Variants in ATG10 observed in about 807,000 individuals in gnomAD.
The protein encoded by ATG10 is ubiquitin-like-conjugating enzyme ATG10.
A neutral mutation model predicts 32.1 loss-of-function variants in ATG10; 30 were observed. The ratio of observed to expected loss-of-function variants is 0.94; its 90% CI spans 0.70 to 1.27. The LOEUF is 1.27. Ranked by LOEUF, ATG10 falls within the 50% of genes most tolerant of loss-of-function variation. The pLI is 0.00. For missense variants in ATG10, 233 were observed against 262.3 expected (o/e 0.89, Z 0.77); for synonymous variants, 87 against 91.5 (o/e 0.95, Z 0.28).
intron 3 of ATG10, among the ~76,000 whole-genome samples, chr5:82,151,101 G>A (rs1170178181): frequency 6.6e-6 from 1 of 152,120 alleles, no homozygotes; most frequent in Admixed American, 6.5e-5. Context: ...TGCCCCCAGA[G>A]GGCTTGCAAA....
chr5:82,166,665 C>G (rs1487199560), intron 4 of ATG10, among the ~76,000 whole-genome samples: 1 of 151,868 alleles, frequency 6.6e-6, no homozygotes, highest in African/African-American at 2.4e-5. Context: ...TCTGATTACT[C>G]TGGCCCTTCA....
At chr5:82,037,129 CAAAAAAA>C (rs1159037400) in intron 2 of ATG10, among the ~76,000 whole-genome samples, 1 of 25,800 alleles carries the variant, frequency 3.9e-5, no homozygotes, top group Non-Finnish European at 7.3e-5. Flanking sequence ...GACTCTGTCT[CAAAAAAA>C]AAAAAAAAAA....
At position 82,190,429 on chromosome 5, in the gene ATG10, A is replaced by T. The variant is rs1744610020; in HGVS notation, c.453+11842A>T. Among the ~76,000 whole-genome samples the T allele has an allele frequency of 1.1e-4, 16 of 152,072 alleles. No homozygotes were observed. In the South Asian group the frequency reaches 3.3e-3, roughly 32 times the overall value. ...TTATTTTGAAATTTACATCACAGAC[A>T]TTTTTGCATCCCAATATTTAAATAC... On this transcript the variant is annotated intron_variant, in intron 5 of 7. Coordinates refer to ENST00000282185, the MANE Select transcript of ATG10 (RefSeq NM_031482.5).
At chr5:81,996,352 C>G (rs1451493384) in intron 2 of ATG10, among the ~76,000 whole-genome samples, 1 of 152,166 alleles carries the variant, frequency 6.6e-6, no homozygotes, top group Non-Finnish European at 1.5e-5. Flanking sequence ...ATCTTCCTGT[C>G]TCAGCCTCCC....
Position 82,206,423 on chromosome 5 carries a change from G to A in ATG10, c.453+27836G>A, listed in dbSNP as rs148651848. On this transcript the variant is annotated intron_variant, in intron 5 of 7. Transcript: ENST00000282185. ...AGCAATTTGGGAGGCTGAGGCGGGCGGATCACAAGGTCAGGAGATCAAGAC... is the reference window on the plus strand; with the variant it reads ...AGCAATTTGGGAGGCTGAGGCGGGCAGATCACAAGGTCAGGAGATCAAGAC... Among the ~76,000 whole-genome samples, 917 of 152,084 alleles carry A rather than the reference G, an allele frequency of 6.0e-3. 7 individuals are homozygous for A. Among genetic ancestry groups the A allele is most frequent in the African/African-American group, 0.014 (591 of 41,498 alleles).
At chr5:82,122,212 G>T (rs1273832146) in intron 3 of ATG10, among the ~76,000 whole-genome samples, 1 of 151,908 alleles carries the variant, frequency 6.6e-6, no homozygotes, top group Non-Finnish European at 1.5e-5. Flanking sequence ...CTGCGTCAGT[G>T]TTGGGAGGGT....
chr5:82,237,973 T>G (rs917400034), intron 5 of ATG10, among the ~76,000 whole-genome samples: 28 of 152,328 alleles, frequency 1.8e-4, no homozygotes, highest in Admixed American at 9.8e-4. Flanking sequence ...ACAGCAAGCA[T>G]TAGATCTGCC....
At chr5:82,179,822 C>A (rs1480996160) in intron 5 of ATG10, among the ~76,000 whole-genome samples, 1 of 152,106 alleles carries the variant, frequency 6.6e-6, no homozygotes. Context: ...ACCTCCCAAT[C>A]AACATAAGAA....
chr5:82,204,791 C>T (rs1437038009), intron 5 of ATG10, among the ~76,000 whole-genome samples: 5 of 152,180 alleles, frequency 3.3e-5, no homozygotes, highest in South Asian at 2.1e-4. Context: ...GGATGAATTC[C>T]GTTTTCAAGA....
intron 1 of ATG10, among the ~76,000 whole-genome samples, chr5:81,974,778 G>C (rs1237043032): frequency 1.3e-5 from 2 of 152,110 alleles, no homozygotes; most frequent in East Asian, 3.9e-4. Flanking sequence ...ATGTCTCCAA[G>C]CTTCCTTTGA....
At chr5:82,125,199 T>C (rs1344959391) in intron 3 of ATG10, among the ~76,000 whole-genome samples, 1 of 152,216 alleles carries the variant, frequency 6.6e-6, no homozygotes, top group Admixed American at 6.5e-5. Context: ...CTTTGTCAGA[T>C]GGATAGATTG....
rs181128569 is a variant in ATG10 at position 82,000,616 on chromosome 5, A to G, written c.108+12938A>G. 5.1e-3 allele frequency among the ~76,000 whole-genome samples: 778 copies of G among 152,272 alleles called. 3 individuals are homozygous for G. The highest frequency in any genetic ancestry group is 0.016 in the South Asian group (75 of 4,824). On this transcript the variant is annotated intron_variant, in intron 2 of 7. Coordinates refer to ENST00000282185, the MANE Select transcript of ATG10 (RefSeq NM_031482.5). ...CTAGATCTAATAAACAACTTCACCA[A>G]AGTTTCAGGATACAAAATCAATGTA...
intron 1 of ATG10, among the ~76,000 whole-genome samples, chr5:81,978,521 G>A (rs1760934746): frequency 6.6e-6 from 1 of 152,116 alleles, no homozygotes; most frequent in Non-Finnish European, 1.5e-5. Flanking sequence ...TTTGAGCTGT[G>A]GATCAGCTCA....
chr5:81,993,360 C>CTTTCCTTCTTTCTTTTCTTTTCTTTTCTT, intron 2 of ATG10, among the ~76,000 whole-genome samples: 1 of 46,772 alleles, frequency 2.1e-5, no homozygotes, highest in African/African-American at 9.1e-5. Context: ...TCTTTCTTTC[C>CTTTCCTTCTTTCTTTTCTTTTCTTTTCTT]TTCTTTTCTT....
chr5:82,151,313 A>G (rs1264956207), intron 3 of ATG10, among the ~76,000 whole-genome samples: 1 of 152,172 alleles, frequency 6.6e-6, no homozygotes, highest in Non-Finnish European at 1.5e-5. Flanking sequence ...CAGACTCCCA[A>G]AGTGCTGGTA....
chr5:82,220,635 C>T (rs1206685580), intron 5 of ATG10, among the ~76,000 whole-genome samples: 1 of 143,154 alleles, frequency 7.0e-6, no homozygotes, highest in Non-Finnish European at 1.5e-5. Context: ...CTCTCTCTCT[C>T]TTTTTTTTTT....
intron 2 of ATG10, among the ~76,000 whole-genome samples, chr5:82,002,801 G>A (rs1447523039): frequency 2.6e-5 from 4 of 152,050 alleles, no homozygotes; most frequent in Non-Finnish European, 2.9e-5. Flanking sequence ...TAAAGTAAAA[G>A]TATTTTTAAA....
chr5:82,231,987 G>T (rs1320771046), intron 5 of ATG10, among the ~76,000 whole-genome samples: 2 of 152,156 alleles, frequency 1.3e-5, no homozygotes, highest in Non-Finnish European at 2.9e-5. Context: ...AGTAATGATA[G>T]GTAATAGATT....
chr5:82,224,516 G>T (rs537599559), intron 5 of ATG10, among the ~76,000 whole-genome samples: 1 of 152,294 alleles, frequency 6.6e-6, no homozygotes, highest in South Asian at 2.1e-4. Flanking sequence ...AAAATTAGTA[G>T]TTGGGACTAT....
Sources: allele counts gnomAD v4.1 joint callset (sites outside exome capture counted in the v4.1 genomes callset), GRCh38; gene constraint gnomAD v4.1.1; transcripts MANE v1.5; gene names NCBI Gene and HGNC (gene_info 2026-07-23, HGNC 2026-07-21).